Variants in CACNA1C observed in about 807,000 individuals in gnomAD.
CACNA1C encodes calcium voltage-gated channel subunit alpha1 C.
CACNA1C carries 30 observed loss-of-function variants against 229.0 expected under a neutral mutation model. The ratio of observed to expected loss-of-function variants is 0.13; its 90% CI spans 0.10 to 0.18. The LOEUF (loss-of-function observed/expected upper bound fraction) is 0.18. Among genes scored for constraint, CACNA1C ranks in the 10% least tolerant of loss-of-function variants. The pLI, the probability that CACNA1C is intolerant of heterozygous loss-of-function variation, is 1.00. For synonymous variants in CACNA1C, 1,114 were observed against 1,132.5 expected, an observed-to-expected ratio of 0.98 and a Z score of 0.33; for missense variants, 1,658 against 2,845.0, an observed-to-expected ratio of 0.58 and a Z score of 9.49.
chr12:2,418,343 C>T (rs1178695975), intron 3 of CACNA1C, among the ~76,000 whole-genome samples: 2 of 152,198 alleles, frequency 1.3e-5, no homozygotes, highest in African/African-American at 2.4e-5. Flanking sequence ...GGAGAGCAAC[C>T]ACTGCCATTG....
In CACNA1C at chr12:2,109,455, G is replaced by A. The variant is rs1181428734; in HGVS notation, c.50-5769G>A. Among the ~76,000 whole-genome samples, 6 of 152,314 alleles carry A rather than the reference G, an allele frequency of 3.9e-5. No homozygotes were observed. In the East Asian group the frequency reaches 5.8e-4, roughly 15 times the overall value. ...TTCTAAGTACATGCAAAGGCACTGC[G>A]GCAGGCAAGAGCTGAGCATGTCTGA... On this transcript the variant is annotated intron_variant, in intron 1 of 46. Transcript: ENST00000399655.
In CACNA1C at chr12:2,137,064, C is replaced by T. The variant is rs956198734; in HGVS notation, c.477+16634C>T. 5.3e-5 allele frequency among the ~76,000 whole-genome samples: 8 copies of T among 151,358 alleles called. 1 individual carries two copies. The highest frequency in any genetic ancestry group is 8.9e-5 in the Non-Finnish European group (6 of 67,600). On this transcript the variant is annotated intron_variant, in intron 3 of 46. Coordinates refer to ENST00000399655, the MANE Select transcript of CACNA1C (RefSeq NM_000719.7). ...GCATAACATGTGGGGGACCCCACGG[C>T]GCCCCGCCCAGGTGAGAGCAGTCCC... is the stretch of plus-strand genomic sequence containing the variant.
At chr12:2,317,772 C>G (rs1279179025) in intron 3 of CACNA1C, among the ~76,000 whole-genome samples, 1 of 152,182 alleles carries the variant, frequency 6.6e-6, no homozygotes. Flanking sequence ...CTGCGCAGGC[C>G]AGAGGCTCTG....
chr12:2,532,809 C>T (rs2099844313), intron 9 of CACNA1C, among the ~76,000 whole-genome samples: 1 of 152,218 alleles, frequency 6.6e-6, no homozygotes. Context: ...GGAGAGGTAG[C>T]AGTGTACCCC....
chr12:2,552,594 T>C (rs1391824738), intron 10 of CACNA1C, among the ~76,000 whole-genome samples: 1 of 152,096 alleles, frequency 6.6e-6, no homozygotes, highest in African/African-American at 2.4e-5. Flanking sequence ...GAAGGATCAC[T>C]GCGACGTCAG....
intron 1 of CACNA1C, among the ~76,000 whole-genome samples, chr12:2,025,453 C>G (rs531558780): frequency 6.6e-6 from 1 of 152,276 alleles, no homozygotes; most frequent in Non-Finnish European, 1.5e-5. Flanking sequence ...GCTCTGCACT[C>G]TCTGCAGAGT....
intron 3 of CACNA1C, among the ~76,000 whole-genome samples, chr12:2,197,372 G>T (rs1172520060): frequency 6.6e-6 from 1 of 152,166 alleles, no homozygotes; most frequent in African/African-American, 2.4e-5. Flanking sequence ...CTCATTGACT[G>T]TTGACAATGC....
intron 1 of CACNA1C, among the ~76,000 whole-genome samples, chr12:1,988,835 TATGA>T (rs1420983277): frequency 3.3e-5 from 5 of 152,260 alleles, no homozygotes; most frequent in African/African-American, 1.2e-4. Context: ...TCCCAGATCC[TATGA>T]ATGTTAATCA....
At chr12:1,991,132 A>T (rs2039301182) in intron 1 of CACNA1C, 1 of 456,240 alleles carries the variant, frequency 2.2e-6, no homozygotes, top group Non-Finnish European at 4.4e-6. Flanking sequence ...TTTAATTTGC[A>T]TCCATGTTTA....
rs1346890922 is a variant in CACNA1C at position 2,689,821 on chromosome 12, C to T, written c.6117+1042C>T. On this transcript the variant is annotated intron_variant, in intron 46 of 46. Coordinates refer to ENST00000399655, the MANE Select transcript of CACNA1C (RefSeq NM_000719.7). The surrounding 1 kb of genome is among the most constrained non-coding windows in gnomAD (Gnocchi z 4.2). The stretch of plus-strand genomic sequence containing the variant: ...AACAGAGCTTCTGCTCTCATGAGCT[C>T]ACATCATGGTGAGGAGAGACAGATA... The T allele has an allele frequency of 1.3e-5, 2 of 152,196 alleles. No homozygotes were observed. Among genetic ancestry groups the T allele is most frequent in the Non-Finnish European group, 2.9e-5 (2 of 68,068 alleles). The allele number at this position is 152,196 out of a possible 1,614,324, so 9.4% of individuals were successfully genotyped here.
intron 9 of CACNA1C, among the ~76,000 whole-genome samples, chr12:2,547,964 A>C (rs1292198937): frequency 6.6e-6 from 1 of 152,200 alleles, no homozygotes; most frequent in Admixed American, 6.5e-5. Flanking sequence ...CTCACACATA[A>C]GGCTCTGGGA....
chr12:2,381,772 G>C (rs2098254543), intron 3 of CACNA1C, among the ~76,000 whole-genome samples: 1 of 152,188 alleles, frequency 6.6e-6, no homozygotes, highest in African/African-American at 2.4e-5. Context: ...AATGATCTCA[G>C]AGCAATCGGC....
intron 1 of CACNA1C, among the ~76,000 whole-genome samples, chr12:2,102,045 G>T (rs1429319984): frequency 6.6e-6 from 1 of 152,154 alleles, no homozygotes; most frequent in African/African-American, 2.4e-5. Flanking sequence ...GGCTGCCCTG[G>T]GCTCTGAGAA....
chr12:2,414,066 T>G (rs1049786535), intron 3 of CACNA1C, among the ~76,000 whole-genome samples: 1 of 132,092 alleles, frequency 7.6e-6, no homozygotes, highest in African/African-American at 2.6e-5. Flanking sequence ...AGAGTAAGAC[T>G]GGCCCAAGTC....
chr12:2,568,713 T>C (rs1455356294), intron 13 of CACNA1C, among the ~76,000 whole-genome samples: 2 of 151,180 alleles, frequency 1.3e-5, no homozygotes, highest in Non-Finnish European at 2.9e-5. Context: ...GCTCTTAGAG[T>C]AGTCAGATTC....
rs1441786394 is a variant in CACNA1C at position 2,354,045 on chromosome 12, G to A, written c.478-94931G>A. Reference sequence around the variant, plus strand: ...ATCTGGAGACAAATGCCTGCCCAGCGACCACTGCAGGGTCCCGGGAGCTGG... The same window carrying A: ...ATCTGGAGACAAATGCCTGCCCAGCAACCACTGCAGGGTCCCGGGAGCTGG... On this transcript the variant is annotated intron_variant, in intron 3 of 46. Transcript: ENST00000399655. The surrounding 1 kb of genome is among the most constrained non-coding windows in gnomAD (Gnocchi z 4.6). 6.6e-6 allele frequency among the ~76,000 whole-genome samples: 1 copy of A among 152,200 alleles called. No homozygotes were observed.
intron 3 of CACNA1C, among the ~76,000 whole-genome samples, chr12:2,224,286 T>A (rs1227472853): frequency 6.6e-6 from 1 of 152,258 alleles, no homozygotes; most frequent in Admixed American, 6.5e-5. Flanking sequence ...GTATGATTTC[T>A]GGTCTCCTCT....
intron 39 of CACNA1C, 78 bp downstream of exon 39, chr12:2,674,720 G>A (rs2096717297): frequency 1.5e-6 from 2 of 1,359,392 alleles, no homozygotes; most frequent in Admixed American, 4.2e-5. Flanking sequence ...TCCAGCTGTG[G>A]CACCCTTAGA....
intron 3 of CACNA1C, among the ~76,000 whole-genome samples, chr12:2,365,486 G>T (rs1411911528): frequency 6.6e-6 from 1 of 152,178 alleles, no homozygotes; most frequent in Non-Finnish European, 1.5e-5. Flanking sequence ...GCCCAAAAAT[G>T]CAGATTAACA....
Sources: gnomAD v4.1 joint callset for allele counts (sites outside exome capture counted in the v4.1 genomes callset) on GRCh38, gnomAD v4.1.1 for gene constraint, Gnocchi (gnomAD v3.1) non-coding constraint, MANE v1.5 for transcripts, NCBI Gene and HGNC (gene_info 2026-07-23, HGNC 2026-07-21) for gene names.